Variants in NBEA observed in about 807,000 individuals in gnomAD.
NBEA encodes neurobeachin.
Under a neutral mutation model 343.4 loss-of-function variants are expected in NBEA, and 44 were observed. That is an observed-to-expected ratio of 0.13 (90% CI 0.10 to 0.16). The LOEUF is 0.16. Among genes scored for constraint, NBEA ranks in the 10% least tolerant of loss-of-function variants. The pLI, the probability that NBEA is intolerant of heterozygous loss-of-function variation, is 1.00. For synonymous variants in NBEA, 1,175 were observed against 1,238.7 expected (o/e 0.95, Z 1.08); for missense variants, 2,555 against 3,631.3 (o/e 0.70, Z 7.62).
chr13:35,572,145 C>G (rs181334816), intron 45 of NBEA, among the ~76,000 whole-genome samples: 1 of 152,156 alleles, frequency 6.6e-6, no homozygotes, highest in Non-Finnish European at 1.5e-5. Context: ...ATTTCCTCCC[C>G]ACCCCATTTA....
At chr13:35,000,828 C>A (rs2061108400) in intron 1 of NBEA, among the ~76,000 whole-genome samples, 1 of 151,652 alleles carries the variant, frequency 6.6e-6, no homozygotes, top group Admixed American at 6.6e-5. Flanking sequence ...GCAGATATAC[C>A]AAAAATATCA....
chr13:35,107,428 A>T (rs1002254864), intron 11 of NBEA, among the ~76,000 whole-genome samples: 2 of 151,908 alleles, frequency 1.3e-5, no homozygotes, highest in Non-Finnish European at 2.9e-5. Context: ...CAGACACATA[A>T]TTCTATTATA....
chr13:35,434,672 G>A (rs1459206826), intron 39 of NBEA, among the ~76,000 whole-genome samples: 2 of 152,182 alleles, frequency 1.3e-5, no homozygotes, highest in African/African-American at 4.8e-5. Context: ...TGGAGAGTTG[G>A]GAGTAAATAC....
intron 36 of NBEA, among the ~76,000 whole-genome samples, chr13:35,345,074 CATG>C (rs2039797292): frequency 6.6e-6 from 1 of 151,980 alleles, no homozygotes; most frequent in South Asian, 2.1e-4. Context: ...AAATTTATCC[CATG>C]AATGCAGGAG....
chr13:35,221,559 T>C (rs2074373167), intron 33 of NBEA, among the ~76,000 whole-genome samples: 1 of 152,156 alleles, frequency 6.6e-6, no homozygotes, highest in East Asian at 1.9e-4. Context: ...GAAAAACCTA[T>C]GTAGTATCTG....
chr13:34,963,180 T>C (rs997112609), intron 1 of NBEA, among the ~76,000 whole-genome samples: 39 of 152,128 alleles, frequency 2.6e-4, no homozygotes, highest in African/African-American at 7.5e-4. Flanking sequence ...TACTGCAGAC[T>C]GGGTGGCTTA....
At chr13:35,223,120 C>T (rs1044948448) in intron 33 of NBEA, among the ~76,000 whole-genome samples, 7 of 152,060 alleles carry the variant, frequency 4.6e-5, no homozygotes, top group East Asian at 1.9e-4. Context: ...CGACAGAGTG[C>T]GACTCTGTCT....
At chr13:35,551,618 G>C (rs910432590) in intron 43 of NBEA, among the ~76,000 whole-genome samples, 1 of 152,022 alleles carries the variant, frequency 6.6e-6, no homozygotes, top group Admixed American at 6.6e-5. Flanking sequence ...TGTCGTTTTT[G>C]GCTCGAAATA....
intron 38 of NBEA, among the ~76,000 whole-genome samples, chr13:35,412,952 A>T (rs930840030): frequency 3.3e-5 from 5 of 152,170 alleles, no homozygotes; most frequent in African/African-American, 1.2e-4. Context: ...AAAGGGATTA[A>T]TGAAAAGTAG....
chr13:35,194,608 G>A (rs182626695), intron 30 of NBEA, among the ~76,000 whole-genome samples: 5 of 152,154 alleles, frequency 3.3e-5, no homozygotes, highest in Non-Finnish European at 1.5e-5. Context: ...GAACTGCAGT[G>A]AATTTACATA....
At chr13:35,250,712 A>G (rs1407046348) in intron 34 of NBEA, among the ~76,000 whole-genome samples, 1 of 152,224 alleles carries the variant, frequency 6.6e-6, no homozygotes, top group Non-Finnish European at 1.5e-5. Flanking sequence ...ACAGATGTAA[A>G]ATGCTTATTA....
chr13:35,266,711 G>T (rs549822929), intron 34 of NBEA, among the ~76,000 whole-genome samples: 1 of 151,900 alleles, frequency 6.6e-6, no homozygotes, highest in South Asian at 2.1e-4. Context: ...GGGAGATACT[G>T]ATCAATGGAT....
chr13:35,280,717 G>A (rs2034993216), intron 34 of NBEA, among the ~76,000 whole-genome samples: 1 of 151,914 alleles, frequency 6.6e-6, no homozygotes, highest in South Asian at 2.1e-4. Flanking sequence ...ACTACTTATA[G>A]AATCAAATCT....
intron 1 of NBEA, among the ~76,000 whole-genome samples, chr13:34,965,270 A>C (rs2059785006): frequency 6.6e-6 from 1 of 152,040 alleles, no homozygotes; most frequent in South Asian, 2.1e-4. Flanking sequence ...AGAGAGACTA[A>C]TGTGTAAATT....
chr13:35,155,205 T>A (rs1158782518), intron 18 of NBEA, among the ~76,000 whole-genome samples: 8 of 142,376 alleles, frequency 5.6e-5, no homozygotes, highest in African/African-American at 2.1e-4. Flanking sequence ...TTTCAAACAA[T>A]AAATTCATTA....
intron 38 of NBEA, among the ~76,000 whole-genome samples, chr13:35,385,382 G>A (rs1264036702): frequency 6.6e-6 from 1 of 152,048 alleles, no homozygotes; most frequent in African/African-American, 2.4e-5. Flanking sequence ...ACAACATTAA[G>A]AAATTAATAT....
chr13:35,543,877 A>G (rs757437056), intron 41 of NBEA, among the ~76,000 whole-genome samples: 4 of 152,056 alleles, frequency 2.6e-5, no homozygotes, highest in South Asian at 2.1e-4. Flanking sequence ...TCAGTCAGAC[A>G]TGGTCTTCCA....
chr13:35,416,722 G>T (rs185273235), intron 38 of NBEA, among the ~76,000 whole-genome samples: 1 of 152,246 alleles, frequency 6.6e-6, no homozygotes, highest in East Asian at 1.9e-4. Flanking sequence ...TGTCTGCCAG[G>T]CTTTAGTATC....
intron 45 of NBEA, among the ~76,000 whole-genome samples, chr13:35,574,380 C>CAAAAAAAAAAAA (rs1313695369): frequency 8.0e-6 from 1 of 124,780 alleles, no homozygotes; most frequent in African/African-American, 3.2e-5. Context: ...TATACACTAT[C>CAAAAAAAAAAAA]AAAAAAAAAG....
Sources: allele counts gnomAD v4.1 joint callset (sites outside exome capture counted in the v4.1 genomes callset), GRCh38; gene constraint gnomAD v4.1.1; transcripts MANE v1.5; gene names NCBI Gene and HGNC (gene_info 2026-07-23, HGNC 2026-07-21).